Variants in DLG5 observed in about 807,000 individuals in gnomAD.
The protein encoded by DLG5 is discs large MAGUK scaffold protein 5, also known as disks large homolog 5.
A neutral mutation model predicts 189.8 loss-of-function variants in DLG5; 48 were observed. The observed-to-expected ratio is 0.25, with a 90% confidence interval of 0.20 to 0.32. The LOEUF (loss-of-function observed/expected upper bound fraction) is 0.32, where lower values mean the gene tolerates loss of function less well. DLG5 is among the 10% of genes least tolerant of loss of function. DLG5 has a pLI of 1.00. For missense variants in DLG5, 2,160 were observed against 2,544.7 expected (o/e 0.85, Z 3.25); for synonymous variants, 1,016 against 1,054.1 (o/e 0.96, Z 0.70).
intron 26 of DLG5, 40 bp downstream of exon 26, chr10:77,806,718 A>AGGGCCCCCCC: frequency 1.8e-4 from 237 of 1,333,508 alleles, no homozygotes; most frequent in Non-Finnish European, 2.2e-4. Context: ...GCCCTCGGCG[A>AGGGCCCCCCC]CCCCTGCCCC....
chr10:77,802,843 C>T (rs2579143), intron 27 of DLG5, among the ~76,000 whole-genome samples: 106,857 of 152,124 alleles, frequency 0.7, 37,771 homozygotes, highest in African/African-American at 0.77. Flanking sequence ...GAGGTTGCAG[C>T]GAGCCGAGAT....
At chr10:77,836,638 G>A (rs1167520232) in intron 7 of DLG5, among the ~76,000 whole-genome samples, 5 of 152,170 alleles carry the variant, frequency 3.3e-5, no homozygotes, top group Non-Finnish European at 7.3e-5. Context: ...TAGAAAACAA[G>A]AGAAGAGAAT....
intron 6 of DLG5, 128 bp downstream of exon 6, chr10:77,843,319 A>C: frequency 8.3e-7 from 1 of 1,199,944 alleles, no homozygotes; most frequent in East Asian, 2.3e-5. Flanking sequence ...TCAAAAAAAA[A>C]TGTTTCCTGG....
In DLG5 at chr10:77,812,206, C is replaced by T; in HGVS notation, c.4188+9G>A. 1 of 1,609,910 alleles carries T rather than the reference C, an allele frequency of 6.2e-7. No homozygotes were observed. The highest frequency in any genetic ancestry group is 8.5e-7 in the Non-Finnish European group (1 of 1,176,912). On this transcript the variant is annotated intron_variant, in intron 21 of 31. Coordinates refer to ENST00000372391, the MANE Select transcript of DLG5 (RefSeq NM_004747.4). ...ATGGGCGCCATGCAGGAGGGCAGCT[C>T]CCTCTCACCTCCAGTAACTGATCCC...
At chr10:77,818,674 T>C (rs1215946829) in intron 17 of DLG5, among the ~76,000 whole-genome samples, 4 of 152,128 alleles carry the variant, frequency 2.6e-5, no homozygotes, top group Non-Finnish European at 5.9e-5. Flanking sequence ...ACAGGGCCCT[T>C]CCTGACCACC....
intron 1 of DLG5, among the ~76,000 whole-genome samples, chr10:77,880,265 C>G (rs1455440249): frequency 6.6e-6 from 1 of 152,064 alleles, no homozygotes; most frequent in Non-Finnish European, 1.5e-5. Context: ...ACCAGCCTGG[C>G]CAACACAGTG....
intron 1 of DLG5, among the ~76,000 whole-genome samples, chr10:77,875,821 A>G (rs186492504): frequency 1.3e-5 from 2 of 152,056 alleles, no homozygotes; most frequent in Admixed American, 6.5e-5. Flanking sequence ...CAGGGAAAAA[A>G]AAAAGAAAAG....
At position 77,806,876 on chromosome 10, in the gene DLG5, C is replaced by T. The variant is rs748846065; in HGVS notation, c.4849G>A (p.Asp1617Asn). 27 of 1,614,122 alleles carry T rather than the reference C, an allele frequency of 1.7e-5. No individual in the cohort carries two copies. The South Asian group carries it at 3.0e-4, about 18-fold the overall frequency. ...DVEQELSFKK[D>N]DILYVDDTLP... is the part of the protein sequence containing the mutation. ...GTGTCATCCACGTAGAGGATGTCGT[C>T]CTTCTTAAAGCTCAACTCTTGCTCC... The change falls in exon 26 of 32, where the codon GAC becomes AAC. Residue 1617 changes from aspartate to asparagine, a missense_variant. Asp to Asn is a conservative substitution (Grantham distance 23, BLOSUM62 1). This residue lies in a region of DLG5 where 574 missense variants were observed against 644.2 expected (regional missense o/e 0.89). Coordinates refer to ENST00000372391, the MANE Select transcript of DLG5 (RefSeq NM_004747.4).
intron 2 of DLG5, among the ~76,000 whole-genome samples, chr10:77,866,643 A>C (rs1156429973): frequency 6.6e-6 from 1 of 151,660 alleles, no homozygotes; most frequent in Non-Finnish European, 1.5e-5. Flanking sequence ...TGGCGCCCAT[A>C]CTGGACACTG....
chr10:77,829,558 C>A, intron 11 of DLG5, 28 bp from the exon 12 acceptor site: 1 of 1,568,260 alleles, frequency 6.4e-7, no homozygotes, highest in Middle Eastern at 1.7e-4. Flanking sequence ...CAGTTCAGCA[C>A]CCACACAGGC....
chr10:77,871,338 G>A (rs1260780548), intron 1 of DLG5, among the ~76,000 whole-genome samples: 1 of 152,030 alleles, frequency 6.6e-6, no homozygotes, highest in African/African-American at 2.4e-5. Flanking sequence ...TCAGTGGCAT[G>A]GATGTCATGG....
rs201719676 is a variant in DLG5, at chr10:77,819,982, G to A, written c.3439C>T (p.Pro1147Ser). ...TAAGGTGCCCACTCCTGGAGCTCCG[G>A]GGAGAGTTCTCCACTGGCCGGGACA... ...KCVPASGELS[P>S]ELQEWAPYSP... Residue 1147 changes from proline (P) to serine (S), a missense_variant, in exon 16 of 32, where the codon CCG becomes TCG. By Grantham distance (74) the Pro-to-Ser change is moderately conservative. Around this residue, in one of 5 missense-constraint regions of DLG5, gnomAD observed 754 missense variants for 746.5 expected, o/e 1.01. Transcript: ENST00000372391. 1.2e-6 allele frequency: 2 copies of A among 1,613,450 alleles called. No homozygotes were observed. Among genetic ancestry groups the A allele is most frequent in the East Asian group, 2.2e-5 (1 of 44,836 alleles).
rs72815383 is a variant in DLG5 at position 77,794,189 on chromosome 10, C to A, written c.5547-72G>T. 4.7e-3 allele frequency: 6,606 copies of A among 1,416,450 alleles called. 22 individuals are homozygous for A. The highest frequency in any genetic ancestry group is 5.6e-3 in the Non-Finnish European group (5,604 of 1,005,658). The allele number at this position is 1,416,450 out of a possible 1,614,324, so 87.7% of individuals were successfully genotyped here. ...GCCCTCTTTCCTTCCTCTGTCCAGG[C>A]TAACAGGGGCCCCATCAAGGCAGGG... is the stretch of plus-strand genomic sequence containing the variant. On this transcript the variant is annotated intron_variant, in intron 30 of 31. Transcript: ENST00000372391.
intron 2 of DLG5, among the ~76,000 whole-genome samples, chr10:77,859,064 C>T (rs1039553327): frequency 4.6e-5 from 7 of 151,926 alleles, no homozygotes; most frequent in African/African-American, 1.2e-4. Flanking sequence ...TTGTTAGAGA[C>T]GGGGTATCGC....
In DLG5 at chr10:77,917,299, G is replaced by A. The variant is rs1846389421; in HGVS notation, c.304+8918C>T. Among the ~76,000 whole-genome samples the A allele has an allele frequency of 2.6e-5, 4 of 151,886 alleles. No homozygotes were observed. The South Asian group carries it at 6.2e-4, about 24-fold the overall frequency. Reference sequence around the variant, plus strand: ...AGAGCTTGCAGTGAGCCGAGATCGCGCCACTGCACTGCAGCCTGGGCAAGA... The same window carrying A: ...AGAGCTTGCAGTGAGCCGAGATCGCACCACTGCACTGCAGCCTGGGCAAGA... On this transcript the variant is annotated intron_variant, in intron 1 of 31. Transcript: ENST00000372391.
chr10:77,929,894 C>T (rs965801804), upstream of DLG5: 2 of 152,222 alleles, frequency 1.3e-5, no homozygotes, highest in Non-Finnish European at 2.9e-5. Context: ...GAAACTCAAA[C>T]TCACCTCAGC....
chr10:77,809,086 C>T (rs1287041800), intron 24 of DLG5, among the ~76,000 whole-genome samples: 1 of 122,202 alleles, frequency 8.2e-6, no homozygotes, highest in African/African-American at 3.4e-5. Context: ...GCAACAAGGG[C>T]AAAACTCTGT....
chr10:77,934,136 C>T, the DLG5 span, among the ~76,000 whole-genome samples: 10 of 152,010 alleles, frequency 6.6e-5, no homozygotes, highest in East Asian at 7.8e-4. Flanking sequence ...TTTGGGAGGC[C>T]GAGGTGGGTG....
intron 1 of DLG5, among the ~76,000 whole-genome samples, chr10:77,890,836 C>T (rs562283795): frequency 6.6e-6 from 1 of 152,250 alleles, no homozygotes; most frequent in South Asian, 2.1e-4. Flanking sequence ...CCAGGAGTCC[C>T]CAGCTCTCCA....
Sources: gnomAD v4.1 joint callset for allele counts (sites outside exome capture counted in the v4.1 genomes callset) on GRCh38, gnomAD v4.1.1 for gene constraint, gnomAD v4.1.1 regional missense constraint, MANE v1.5 for transcripts, NCBI Gene and HGNC (gene_info 2026-07-23, HGNC 2026-07-21) for gene names.